CSF1R: variants seen among roughly 807,000 people sequenced by gnomAD.
CSF1R encodes colony stimulating factor 1 receptor, also known as macrophage colony-stimulating factor 1 receptor.
In CSF1R, 40 loss-of-function variants were observed where a neutral mutation model predicts 110.0. The ratio of observed to expected loss-of-function variants is 0.36; its 90% CI spans 0.28 to 0.47. CSF1R has a LOEUF of 0.47. Ranked by LOEUF, CSF1R falls within the 20% of genes least tolerant of loss-of-function variation. The probability of loss-of-function intolerance (pLI) is 0.99; values close to 1 mark genes in which losing one functional copy is unlikely to be tolerated. For synonymous variants in CSF1R, 523 were observed against 503.4 expected, an observed-to-expected ratio of 1.04 and a Z score of -0.52; for missense variants, 1,052 against 1,253.0, an observed-to-expected ratio of 0.84 and a Z score of 2.42.
chr5:150,113,125 A>C (rs1475394279), intron 1 of CSF1R: 1 of 152,312 alleles, frequency 6.6e-6, no homozygotes, highest in Non-Finnish European at 1.5e-5. Flanking sequence ...GCTCGGCAGG[A>C]GAGCCTATGA....
At position 150,057,507 on chromosome 5, in the gene CSF1R, G is replaced by A; in HGVS notation, c.2218C>T (p.Gln740Ter). The A allele has an allele frequency of 6.2e-7, 1 of 1,613,968 alleles. No individual in the cohort carries two copies. Among genetic ancestry groups the A allele is most frequent in the Non-Finnish European group, 8.5e-7 (1 of 1,179,860 alleles). Residue 740 changes from glutamine to a stop codon, truncating the protein, a stop_gained, in exon 15 of 21, where the codon CAA becomes TAA. Coordinates refer to ENST00000675795, the MANE Select transcript of CSF1R (RefSeq NM_001288705.3). LOFTEE classifies it high-confidence loss of function. ...CCTGGCCCTGGGACCTCCTCACCTT[G>A]CTCAGAGAAGGAGTCATTTGAAGAA... ...STSSNDSFSEQDLDKEDGRPL... is the reference protein window; with the variant it reads ...STSSNDSFSE
At chr5:150,076,917 A>G (rs1758290769) in intron 5 of CSF1R, 3 of 331,578 alleles carry the variant, frequency 9.0e-6, no homozygotes, top group African/African-American at 4.3e-5. Flanking sequence ...TGCTTCCCCC[A>G]TAATCACTGG....
At position 150,109,308 on chromosome 5, in the gene CSF1R, G is replaced by A. The variant is rs79186422; in HGVS notation, c.-181+3953C>T. Among the ~76,000 whole-genome samples the A allele has an allele frequency of 2.8e-3, 421 of 152,278 alleles. 1 individual carries two copies. The highest frequency in any genetic ancestry group is 4.3e-3 in the Non-Finnish European group (295 of 68,022). The stretch of plus-strand genomic sequence containing the variant: ...TCTCACAGGCTAATCGTGAGGATCC[G>A]ATGGGACCACTGGTAGGAGCACACC... On this transcript the variant is annotated intron_variant, in intron 1 of 21. Transcript: ENST00000286301.
At chr5:150,067,193 C>A (rs1757812480) in intron 10 of CSF1R, 1 of 138,018 alleles carries the variant, frequency 7.2e-6, no homozygotes, top group Non-Finnish European at 1.5e-5. Context: ...TCCCTCAGCC[C>A]CTTGGGGTTT....
At chr5:150,073,718 T>A (rs186535334) in intron 5 of CSF1R, among the ~76,000 whole-genome samples, 16 of 152,232 alleles carry the variant, frequency 1.1e-4, no homozygotes, top group African/African-American at 3.1e-4. Flanking sequence ...CCTGGGCAAA[T>A]CCCTATCCCC....
At chr5:150,054,281 G>T in intron 20 of CSF1R, 41 bp downstream of exon 20, 1 of 1,613,908 alleles carries the variant, frequency 6.2e-7, no homozygotes, top group Non-Finnish European at 8.5e-7. Flanking sequence ...CCAGCCCAAC[G>T]TGCTTTACCG....
intron 6 of CSF1R, among the ~76,000 whole-genome samples, chr5:150,071,381 T>C (rs1291788095): frequency 6.6e-6 from 1 of 152,210 alleles, no homozygotes; most frequent in Non-Finnish European, 1.5e-5. Context: ...CAGTTCACTG[T>C]CAAAATAAAT....
chr5:150,095,241 C>A (rs914279143), intron 1 of CSF1R, among the ~76,000 whole-genome samples: 2 of 151,548 alleles, frequency 1.3e-5, no homozygotes, highest in Admixed American at 6.6e-5. Flanking sequence ...AAGTAGAGAG[C>A]AAATCAGCAA....
chr5:150,069,342 G>A (rs1757926637), intron 9 of CSF1R, among the ~76,000 whole-genome samples: 1 of 152,204 alleles, frequency 6.6e-6, no homozygotes, highest in Non-Finnish European at 1.5e-5. Context: ...CCTGTGTTGT[G>A]CACAGGGCCG....
intron 4 of CSF1R, among the ~76,000 whole-genome samples, chr5:150,077,714 A>ATCCTCCCTCC (rs1758332827): frequency 6.6e-6 from 1 of 151,894 alleles, no homozygotes; most frequent in Admixed American, 6.6e-5. Context: ...CCCTCCTGGA[A>ATCCTCCCTCC]TCCTCCCTCC....
At chr5:150,074,406 C>T (rs979888118) in intron 5 of CSF1R, among the ~76,000 whole-genome samples, 24 of 149,810 alleles carry the variant, frequency 1.6e-4, no homozygotes, top group African/African-American at 5.9e-4. Flanking sequence ...CTCCCAGGTT[C>T]AAGCGATTCT....
intron 1 of CSF1R, among the ~76,000 whole-genome samples, chr5:150,113,014 G>A (rs1231947253): frequency 6.6e-6 from 1 of 152,186 alleles, no homozygotes; most frequent in African/African-American, 2.4e-5. Context: ...CCAAGTACAG[G>A]ACTCTGGGCC....
rs2113824158 is a variant in CSF1R, at chr5:150,077,320, T to C, written c.845A>G (p.Asn282Ser). Residue 282 changes from asparagine to serine, a missense_variant, in exon 5 of 21, where the codon AAC becomes AGC. Around this residue, in one of 5 missense-constraint regions of CSF1R, gnomAD observed 693 missense variants for 735.4 expected, o/e 0.94. Transcript: ENST00000675795. The stretch of plus-strand genomic sequence containing the variant: ...GGAGGTGGAGTGCTTGCCCTGCACG[T>C]TGCTGGCCACGCAGGAGTAGTTGCC... ...HAGNYSCVAS[N>S]VQGKHSTSMF... The C allele has an allele frequency of 6.2e-7, 1 of 1,614,222 alleles. No homozygotes were observed. The highest frequency in any genetic ancestry group is 8.5e-7 in the Non-Finnish European group (1 of 1,180,034).
At chr5:150,070,992 G>A (rs1001394123) in intron 6 of CSF1R, among the ~76,000 whole-genome samples, 1 of 152,224 alleles carries the variant, frequency 6.6e-6, no homozygotes, top group East Asian at 1.9e-4. Context: ...TCTGAGCCAT[G>A]TTGCTGCAGA....
chr5:150,057,382 G>A lies in CSF1R; in HGVS notation c.2224C>T (p.Leu742=). 6.2e-7 allele frequency: 1 copy of A among 1,613,932 alleles called. No individual in the cohort carries two copies. The highest frequency in any genetic ancestry group is 8.5e-7 in the Non-Finnish European group (1 of 1,179,872). The change falls in exon 16 of 21, where the codon CTG becomes TTG. Residue 742 remains leucine (L), a splice_region_variant and synonymous_variant. Coordinates refer to ENST00000675795, the MANE Select transcript of CSF1R (RefSeq NM_001288705.3). ...AGGGGCCGTCCATCCTCCTTGTCCA[G>A]GTCTAGGGTGGGAAGAGGCGTCAGG... The part of the protein sequence containing the change: ...SSNDSFSEQD[L]DKEDGRPLEL...
At chr5:150,106,131 G>A (rs372244009) in intron 1 of CSF1R, among the ~76,000 whole-genome samples, 2 of 152,204 alleles carry the variant, frequency 1.3e-5, no homozygotes, top group African/African-American at 4.8e-5. Flanking sequence ...GACACAGAGT[G>A]GGGAAGTGCC....
At position 150,054,224 on chromosome 5, in the gene CSF1R, C is replaced by T. The variant is rs1757076908; in HGVS notation, c.2764G>A (p.Asp922Asn). 1.2e-6 allele frequency: 2 copies of T among 1,612,154 alleles called. No homozygotes were observed. The highest frequency in any genetic ancestry group is 1.7e-6 in the Non-Finnish European group (2 of 1,179,180). The change falls in exon 21 of 21, where the codon GAC becomes AAC. Residue 922 changes from aspartate (D) to asparagine (N), a missense_variant and splice_region_variant. Physicochemically the swap from Asp to Asn is conservative, Grantham distance 23. This residue lies in a region of CSF1R where 85 missense variants were observed against 78.8 expected (regional missense o/e 1.08). Coordinates refer to ENST00000675795, the MANE Select transcript of CSF1R (RefSeq NM_001288705.3). ...EQAQEDRRER[D>N]YTNLPSSSRS... Reference sequence around the variant, plus strand: ...CTGCTGCTCGGCAGATTGGTATAGTCCTGAGGGTGGGAGGGACCAGAAACT... The same window carrying T: ...CTGCTGCTCGGCAGATTGGTATAGTTCTGAGGGTGGGAGGGACCAGAAACT...
At chr5:150,107,347 C>A (rs1011668550) in intron 1 of CSF1R, among the ~76,000 whole-genome samples, 2 of 152,180 alleles carry the variant, frequency 1.3e-5, no homozygotes, top group African/African-American at 2.4e-5. Flanking sequence ...CAATTTGGAA[C>A]CTTTGAGACT....
At chr5:150,061,065 G>C (rs1247476500) in intron 12 of CSF1R, 93 bp from the exon 13 acceptor site, 1 of 893,050 alleles carries the variant, frequency 1.1e-6, no homozygotes, top group East Asian at 2.7e-5. Flanking sequence ...AGACCCAGGG[G>C]AGAAAGCAGG....
Sources: allele counts gnomAD v4.1 joint callset (sites outside exome capture counted in the v4.1 genomes callset), GRCh38; gene constraint gnomAD v4.1.1; regional missense constraint gnomAD v4.1.1; transcripts MANE v1.5; gene names NCBI Gene and HGNC (gene_info 2026-07-23, HGNC 2026-07-21).